Variants in TLDC2 observed in about 807,000 individuals in gnomAD.
TLDC2 encodes the protein TBC/LysM-associated domain containing 2.
Under a neutral mutation model 27.9 loss-of-function variants are expected in TLDC2, and 23 were observed. The ratio of observed to expected loss-of-function variants is 0.82; its 90% CI spans 0.59 to 1.17. The LOEUF (loss-of-function observed/expected upper bound fraction) is 1.17. Ranked by LOEUF, TLDC2 falls within the 50% of genes most tolerant of loss-of-function variation. The pLI is 0.00. For synonymous variants in TLDC2, 124 were observed against 107.4 expected, an observed-to-expected ratio of 1.16 and a Z score of -0.96; for missense variants, 286 against 273.4, an observed-to-expected ratio of 1.05 and a Z score of -0.32.
At position 36,893,961 on chromosome 20, in the gene TLDC2, T is replaced by C; in HGVS notation, c.*1117T>C. On this transcript the variant is annotated 3_prime_UTR_variant, in exon 7 of 7. Coordinates refer to ENST00000217320, the MANE Select transcript of TLDC2 (RefSeq NM_080628.3). ...GTGAGAAGAGGGCAGAGAAGTCAGGTTTTTTCTCTCCCTACCTCCTCTGGC... is the reference window on the plus strand; with the variant it reads ...GTGAGAAGAGGGCAGAGAAGTCAGGCTTTTTCTCTCCCTACCTCCTCTGGC... The C allele has an allele frequency of 2.5e-6, 1 of 398,380 alleles. No individual in the cohort carries two copies. Among genetic ancestry groups the C allele is most frequent in the Non-Finnish European group, 4.4e-6 (1 of 226,002 alleles). The allele number at this position is 398,380 out of a possible 1,614,324, so 24.7% of individuals were successfully genotyped here.
At chr20:36,880,087 A>ATATATATGTGTGTG (rs1555828566) in intron 3 of TLDC2, among the ~76,000 whole-genome samples, 25 of 44,150 alleles carry the variant, frequency 5.7e-4, no homozygotes, top group South Asian at 2.2e-3. Flanking sequence ...ATATATATAT[A>ATATATATGTGTGTG]TATATATATA....
intron 6 of TLDC2, chr20:36,890,854 T>G (rs1990058552): frequency 1.3e-5 from 2 of 152,162 alleles, no homozygotes; most frequent in South Asian, 4.1e-4. Flanking sequence ...TACAGCTGCG[T>G]TACATGTAAC....
intron 4 of TLDC2, among the ~76,000 whole-genome samples, chr20:36,880,985 G>C (rs1989802916): frequency 6.6e-6 from 1 of 152,250 alleles, no homozygotes; most frequent in South Asian, 2.1e-4. Flanking sequence ...AGAGGAGGGA[G>C]GACCATGCTT....
At chr20:36,879,671 T>TA (rs1989756736) in intron 3 of TLDC2, among the ~76,000 whole-genome samples, 1 of 151,716 alleles carries the variant, frequency 6.6e-6, no homozygotes, top group Non-Finnish European at 1.5e-5. Flanking sequence ...ACCCTGTCTC[T>TA]AAAAAAACCC....
At chr20:36,884,859 A>G (rs1422358654) in intron 4 of TLDC2, among the ~76,000 whole-genome samples, 1 of 147,740 alleles carries the variant, frequency 6.8e-6, no homozygotes, top group Non-Finnish European at 1.5e-5. Context: ...GTTTGCCATC[A>G]TTTAACACAG....
chr20:36,889,679 G>T (rs958021737), intron 6 of TLDC2: 1 of 263,592 alleles, frequency 3.8e-6, no homozygotes, highest in Non-Finnish European at 7.1e-6. Context: ...TCTCTTCCCC[G>T]CTAGTGCCTG....
intron 6 of TLDC2, chr20:36,892,069 G>C (rs373133202): frequency 6.6e-6 from 1 of 152,388 alleles, no homozygotes; most frequent in African/African-American, 2.4e-5. Flanking sequence ...CCCGGGTCTG[G>C]AGCCGCCACG....
chr20:36,890,947 A>G (rs1487959727), intron 6 of TLDC2: 2 of 152,222 alleles, frequency 1.3e-5, no homozygotes, highest in African/African-American at 4.8e-5. Context: ...CTCAGAGTAA[A>G]CCACAATGAT....
chr20:36,880,918 T>A (rs1989802052), intron 4 of TLDC2, among the ~76,000 whole-genome samples, 168 bp downstream of exon 4: 2 of 152,252 alleles, frequency 1.3e-5, no homozygotes, highest in South Asian at 4.1e-4. Context: ...CCCCTTGACC[T>A]GCCTGTCCTG....
Position 36,877,952 on chromosome 20 carries a change from G to C in TLDC2, c.87G>C (p.Glu29Asp), listed in dbSNP as rs1989711418. 1 of 1,613,888 alleles carries C rather than the reference G, an allele frequency of 6.2e-7. No homozygotes were observed. Among genetic ancestry groups the C allele is most frequent in the Non-Finnish European group, 8.5e-7 (1 of 1,179,882 alleles). ...LSGEEGNEEE[E>D]EEEAAPDPAA... ...GGGAGGAGGGTAACGAAGAGGAAGA[G>C]GAGGAGGAGGCAGCTCCAGACCCAG... The change falls in exon 2 of 7, where the codon GAG becomes GAC. Residue 29 changes from glutamate to aspartate, a missense_variant. Transcript: ENST00000217320.
At position 36,889,420 on chromosome 20, in the gene TLDC2, A is replaced by G; in HGVS notation, c.*17+17A>G. 2 of 1,607,336 alleles carry G rather than the reference A, an allele frequency of 1.2e-6. No individual in the cohort carries two copies. The highest frequency in any genetic ancestry group is 1.7e-6 in the Non-Finnish European group (2 of 1,177,556). ...CGGCAACAGGTACTCAGCCCTGCTC[A>G]TGATGCCACCCAGGCCTTCCTGACA... is the stretch of plus-strand genomic sequence containing the variant. On this transcript the variant is annotated intron_variant, in intron 6 of 6. Coordinates refer to ENST00000217320, the MANE Select transcript of TLDC2 (RefSeq NM_080628.3).
intron 2 of TLDC2, among the ~76,000 whole-genome samples, 179 bp from the exon 3 acceptor site, chr20:36,878,862 T>C (rs1233211346): frequency 1.3e-5 from 2 of 152,030 alleles, no homozygotes; most frequent in Non-Finnish European, 2.9e-5. Context: ...AAGATGGGAA[T>C]AACAACCCCT....
chr20:36,878,464 T>G (rs1048992455), intron 2 of TLDC2, among the ~76,000 whole-genome samples: 1 of 151,968 alleles, frequency 6.6e-6, no homozygotes, highest in Non-Finnish European at 1.5e-5. Context: ...ACCTGTAGTC[T>G]CAGCTACTCG....
chr20:36,890,953 A>G (rs1204582813), intron 6 of TLDC2: 3 of 152,340 alleles, frequency 2.0e-5, no homozygotes, highest in African/African-American at 4.8e-5. Context: ...GTAAACCACA[A>G]TGATTTAAAG....
chr20:36,890,782 A>G (rs1990056430), intron 6 of TLDC2: 2 of 152,150 alleles, frequency 1.3e-5, no homozygotes, highest in Admixed American at 1.3e-4. Context: ...TGGCCAAGAA[A>G]AATGTAACCT....
intron 5 of TLDC2, 23 bp from the exon 6 acceptor site, chr20:36,889,228 C>A: frequency 6.2e-7 from 1 of 1,613,068 alleles, no homozygotes; most frequent in Non-Finnish European, 8.5e-7. Context: ...TGAGCCGCAC[C>A]AAGACTGTCC....
chr20:36,881,969 C>T (rs1470107009), intron 4 of TLDC2, among the ~76,000 whole-genome samples: 1 of 152,166 alleles, frequency 6.6e-6, no homozygotes, highest in Non-Finnish European at 1.5e-5. Context: ...CATTCTGGGG[C>T]AGGGCCTGGA....
At position 36,876,151 on chromosome 20, in the gene TLDC2, G is replaced by A. The variant is rs911964369; in HGVS notation, c.-24G>A. The A allele has an allele frequency of 1.9e-5, 31 of 1,613,956 alleles. No individual in the cohort carries two copies. Among genetic ancestry groups the A allele is most frequent in the Admixed American group, 5.0e-5 (3 of 59,994 alleles). On this transcript the variant is annotated 5_prime_UTR_variant, in exon 1 of 7. Transcript: ENST00000217320. ...GGCTGAGGATTCACTCACTGCCCAC[G>A]GCCGGCTGAGCAGGGACAGGAGAAT...
At position 36,893,623 on chromosome 20, in the gene TLDC2, G is replaced by C; in HGVS notation, c.*779G>C. The C allele has an allele frequency of 2.8e-6, 1 of 360,246 alleles. No homozygotes were observed. Among genetic ancestry groups the C allele is most frequent in the Non-Finnish European group, 4.9e-6 (1 of 202,502 alleles). The allele number at this position is 360,246 out of a possible 1,614,324, so 22.3% of individuals were successfully genotyped here. A position where few individuals can be genotyped will look rare whatever the true frequency, so the allele number is the denominator to read the frequency against. Reference sequence around the variant, plus strand: ...CCAAAGGGAGGCGATACAATGACGTGAAACCATAGAGGTAAGAAGCAAGGC... The same window carrying C: ...CCAAAGGGAGGCGATACAATGACGTCAAACCATAGAGGTAAGAAGCAAGGC... On this transcript the variant is annotated 3_prime_UTR_variant, in exon 7 of 7. Transcript: ENST00000217320.
Sources: gnomAD v4.1 joint callset for allele counts (sites outside exome capture counted in the v4.1 genomes callset) on GRCh38, gnomAD v4.1.1 for gene constraint, MANE v1.5 for transcripts, NCBI Gene and HGNC (gene_info 2026-07-23, HGNC 2026-07-21) for gene names.